The following ABHD2 variants were observed in gnomAD, a reference collection of about 807,000 sequenced individuals.
ABHD2 encodes the protein monoacylglycerol lipase ABHD2.
A neutral mutation model predicts 48.1 loss-of-function variants in ABHD2; 20 were observed. The ratio of observed to expected loss-of-function variants is 0.42; its 90% CI spans 0.29 to 0.60. The LOEUF is 0.60. ABHD2 is among the 20% of genes least tolerant of loss of function. The pLI is 0.24. For missense variants in ABHD2, 405 were observed against 550.9 expected (o/e 0.74, Z 2.65); for synonymous variants, 209 against 214.2 (o/e 0.98, Z 0.21).
chr15:89,107,454 G>T (rs79115296), intron 1 of ABHD2, among the ~76,000 whole-genome samples: 20 of 152,246 alleles, frequency 1.3e-4, no homozygotes, highest in African/African-American at 4.6e-4. Context: ...TTTTGTGGTC[G>T]TTTCTATCTG....
chr15:89,201,571 C>T lies in ABHD2; in HGVS notation c.*6148C>T, dbSNP rs369580096. On this transcript the variant is annotated 3_prime_UTR_variant, in exon 11 of 11. Coordinates refer to ENST00000352732, the MANE Select transcript of ABHD2 (RefSeq NM_152924.5). ...TCATAGTCAAAGGGCTGTAGCATTACTGAAACAGTCACAGTTGACCCTGGG... is the reference window on the plus strand; with the variant it reads ...TCATAGTCAAAGGGCTGTAGCATTATTGAAACAGTCACAGTTGACCCTGGG... 133 of 1,597,074 alleles carry T rather than the reference C, an allele frequency of 8.3e-5. 2 individuals are homozygous for T. The East Asian group carries it at 9.6e-4, about 12-fold the overall frequency.
intron 1 of ABHD2, among the ~76,000 whole-genome samples, chr15:89,098,814 T>C (rs1365470425): frequency 6.6e-6 from 1 of 152,214 alleles, no homozygotes; most frequent in Non-Finnish European, 1.5e-5. Context: ...TTCTGGATGT[T>C]GCACTGACAT....
At chr15:89,052,625 T>C in the ABHD2 span, among the ~76,000 whole-genome samples, 2 of 149,998 alleles carry the variant, frequency 1.3e-5, no homozygotes, top group African/African-American at 5.0e-5. Context: ...AGGGCAGAGA[T>C]TGGGCAATGT....
intron 5 of ABHD2, among the ~76,000 whole-genome samples, chr15:89,162,186 C>A (rs554306596): frequency 6.6e-5 from 10 of 152,216 alleles, no homozygotes; most frequent in Admixed American, 1.3e-4. Flanking sequence ...CACTATTCAG[C>A]CCATAACATA....
Position 89,176,636 on chromosome 15 carries a change from C to A in ABHD2, c.722+641C>A, listed in dbSNP as rs151101640. 1.4e-4 allele frequency among the ~76,000 whole-genome samples: 22 copies of A among 152,228 alleles called. No homozygotes were observed. Among genetic ancestry groups the A allele is most frequent in the African/African-American group, 5.3e-4 (22 of 41,548 alleles). On this transcript the variant is annotated intron_variant, in intron 6 of 10. Coordinates refer to ENST00000352732, the MANE Select transcript of ABHD2 (RefSeq NM_152924.5). The surrounding 1 kb of genome is among the most constrained non-coding windows in gnomAD (Gnocchi z 4.5). ...ATTCCCCTGAAGATCACTGCTGTCC[C>A]AGGTCTCTCAAGAGTCACCACACTC...
chr15:89,149,678 A>C (rs1289203352), intron 3 of ABHD2, among the ~76,000 whole-genome samples: 1 of 152,256 alleles, frequency 6.6e-6, no homozygotes. Context: ...GTGAAAGAGC[A>C]TTCCAGTCAA....
At chr15:89,124,042 G>C (rs979926961) in intron 3 of ABHD2, among the ~76,000 whole-genome samples, 7 of 152,134 alleles carry the variant, frequency 4.6e-5, no homozygotes, top group African/African-American at 1.7e-4. Flanking sequence ...CCCCAAATAA[G>C]AGCTCAGTTC....
In ABHD2 at chr15:89,195,351, C is replaced by A; in HGVS notation, c.1206C>A (p.Asn402Lys). 6.2e-7 allele frequency: 1 copy of A among 1,614,234 alleles called. No individual in the cohort carries two copies. The highest frequency in any genetic ancestry group is 8.5e-7 in the Non-Finnish European group (1 of 1,180,040). The part of the protein sequence containing the change: ...WMDKLVVEYA[N>K]AICQWERNKL... ...ATAAGCTGGTGGTGGAGTACGCCAA[C>A]GCCATTTGCCAATGGGAGCGTAACA... The change falls in exon 11 of 11, where the codon AAC (asparagine) becomes AAA (lysine). Residue 402 changes from asparagine (N) to lysine (K), a missense_variant. Asn to Lys is a moderately conservative substitution (Grantham distance 94). Transcript: ENST00000352732. The surrounding 1 kb of genome is among the most constrained non-coding windows in gnomAD (Gnocchi z 5.1).
chr15:89,126,160 A>G (rs577619061), intron 3 of ABHD2, among the ~76,000 whole-genome samples: 13 of 152,322 alleles, frequency 8.5e-5, no homozygotes, highest in African/African-American at 2.9e-4. Flanking sequence ...AAGGAAGTAT[A>G]TGCTACAACT....
At chr15:89,069,122 C>CTTTTCT in the ABHD2 span, among the ~76,000 whole-genome samples, 22 of 124,912 alleles carry the variant, frequency 1.8e-4, no homozygotes, top group South Asian at 3.4e-3. Flanking sequence ...CTTTTCTTTT[C>CTTTTCT]TTTTTTTTTT....
intron 7 of ABHD2, among the ~76,000 whole-genome samples, chr15:89,187,207 A>G (rs1355821220): frequency 6.6e-6 from 1 of 152,194 alleles, no homozygotes; most frequent in Non-Finnish European, 1.5e-5. Flanking sequence ...TGTTTTGCTA[A>G]AGGACCCAGT....
At chr15:89,054,637 G>A in the ABHD2 span, among the ~76,000 whole-genome samples, 1 of 151,730 alleles carries the variant, frequency 6.6e-6, no homozygotes, top group Non-Finnish European at 1.5e-5. Context: ...CCGAGGTTGT[G>A]CCACTGTACT....
rs1453819626 is a variant in ABHD2, at chr15:89,166,684, G to A, written c.539-9128G>A. 6.6e-6 allele frequency among the ~76,000 whole-genome samples: 1 copy of A among 152,022 alleles called. No homozygotes were observed. The highest frequency in any genetic ancestry group is 1.5e-5 in the Non-Finnish European group (1 of 68,014). On this transcript the variant is annotated intron_variant, in intron 5 of 10. Transcript: ENST00000352732. The surrounding 1 kb of genome is among the most constrained non-coding windows in gnomAD (Gnocchi z 4.6). ...AAATAAAAATAAATTAGCTGGGCAT[G>A]GTGGCTCATGTCTGTAGTCCCGGCT... is the stretch of plus-strand genomic sequence containing the variant.
chr15:89,186,733 T>G lies in ABHD2; in HGVS notation c.815+1217T>G, dbSNP rs528289885. ...ACACACCCGTTCGCTCAAAAAAATT[T>G]GGGGGATTTTTGGTATCACCCTAGA... On this transcript the variant is annotated intron_variant, in intron 7 of 10. Coordinates refer to ENST00000352732, the MANE Select transcript of ABHD2 (RefSeq NM_152924.5). The surrounding 1 kb of genome is among the most constrained non-coding windows in gnomAD (Gnocchi z 4.3). Among the ~76,000 whole-genome samples the G allele has an allele frequency of 5.3e-5, 8 of 152,308 alleles. No individual in the cohort carries two copies. Among genetic ancestry groups the G allele is most frequent in the African/African-American group, 1.9e-4 (8 of 41,562 alleles).
intron 5 of ABHD2, among the ~76,000 whole-genome samples, chr15:89,165,939 G>T (rs559244684): frequency 6.6e-6 from 1 of 152,324 alleles, no homozygotes; most frequent in Non-Finnish European, 1.5e-5. Context: ...CAGTATTCAT[G>T]TTCAGAGCAA....
chr15:89,165,668 A>G (rs1328992679), intron 5 of ABHD2, among the ~76,000 whole-genome samples: 3 of 152,214 alleles, frequency 2.0e-5, no homozygotes, highest in African/African-American at 7.2e-5. Context: ...GGTGAGGTCA[A>G]TAACACTTGG....
intron 4 of ABHD2, among the ~76,000 whole-genome samples, chr15:89,154,482 C>T (rs1469585607): frequency 6.6e-6 from 1 of 152,102 alleles, no homozygotes; most frequent in Non-Finnish European, 1.5e-5. Context: ...TAACAGTATA[C>T]AGTGAAAGTA....
intron 3 of ABHD2, among the ~76,000 whole-genome samples, chr15:89,128,455 C>T (rs1056526118): frequency 1.3e-5 from 2 of 152,196 alleles, no homozygotes; most frequent in African/African-American, 4.8e-5. Flanking sequence ...GCCTTGCTGC[C>T]ATTGACACAT....
chr15:89,151,742 G>A lies in ABHD2; in HGVS notation c.260G>A (p.Gly87Glu). The stretch of plus-strand genomic sequence containing the variant: ...CAGACAGCCTTGTATGGGAAGATGG[G>A]AAGGGTGAGGTCGCCACATCCTTAT... ...HIQTALYGKM[G>E]RVRSPHPYGH... Residue 87 changes from glycine (G) to glutamate (E), a missense_variant, in exon 4 of 11, where the codon GGA becomes GAA. Coordinates refer to ENST00000352732, the MANE Select transcript of ABHD2 (RefSeq NM_152924.5). This position sits in a 1 kb window ranked among gnomAD's most constrained non-coding sequence, Gnocchi z 4.7. The A allele has an allele frequency of 6.2e-7, 1 of 1,614,220 alleles. No individual in the cohort carries two copies. Among genetic ancestry groups the A allele is most frequent in the Non-Finnish European group, 8.5e-7 (1 of 1,180,042 alleles).
Sources: gnomAD v4.1 joint callset for allele counts (sites outside exome capture counted in the v4.1 genomes callset) on GRCh38, gnomAD v4.1.1 for gene constraint, Gnocchi (gnomAD v3.1) non-coding constraint, MANE v1.5 for transcripts, NCBI Gene and HGNC (gene_info 2026-07-23, HGNC 2026-07-21) for gene names.